FAM135A: variants seen among roughly 807,000 people sequenced by gnomAD.
FAM135A encodes family with sequence similarity 135 member A, also known as protein FAM135A.
A neutral mutation model predicts 146.8 loss-of-function variants in FAM135A; 79 were observed. That is an observed-to-expected ratio of 0.54 (90% CI 0.45 to 0.65). The LOEUF (loss-of-function observed/expected upper bound fraction) is 0.65, where lower values mean the gene tolerates loss of function less well. FAM135A is among the 30% of genes least tolerant of loss of function. The pLI, the probability that FAM135A is intolerant of heterozygous loss-of-function variation, is 0.00. For synonymous variants in FAM135A, 562 were observed against 603.6 expected (o/e 0.93, Z 1.01); for missense variants, 1,623 against 1,758.2 (o/e 0.92, Z 1.38).
chr6:70,490,992 A>G (rs1785788777), intron 10 of FAM135A, 42 bp from the exon 11 acceptor site: 1 of 1,414,072 alleles, frequency 7.1e-7, no homozygotes, highest in Non-Finnish European at 9.6e-7. Context: ...TAAATTAAAT[A>G]TCTAACATTG....
chr6:70,459,742 A>G (rs562304847), intron 5 of FAM135A, among the ~76,000 whole-genome samples: 1 of 152,304 alleles, frequency 6.6e-6, no homozygotes, highest in South Asian at 2.1e-4. Flanking sequence ...TAAAAGATCA[A>G]TTAGTCACCA....
At chr6:70,528,163 G>A in intron 15 of FAM135A, 129 bp from the exon 16 acceptor site, 1 of 711,460 alleles carries the variant, frequency 1.4e-6, no homozygotes, top group Non-Finnish European at 2.2e-6. Context: ...CTTAGGTGAT[G>A]CCACATATTT....
At chr6:70,434,108 GTATTA>G (rs1216142740) in intron 4 of FAM135A, among the ~76,000 whole-genome samples, 3 of 152,120 alleles carry the variant, frequency 2.0e-5, no homozygotes, top group Non-Finnish European at 2.9e-5. Flanking sequence ...CTTAAGATTT[GTATTA>G]TATTAGGAGT....
intron 1 of FAM135A, among the ~76,000 whole-genome samples, chr6:70,414,751 C>G (rs1384006401): frequency 6.6e-6 from 1 of 152,164 alleles, no homozygotes; most frequent in Non-Finnish European, 1.5e-5. Context: ...ATCGGTTACA[C>G]TTACTGATTA....
chr6:70,543,975 A>G (rs1219598307), intron 20 of FAM135A, among the ~76,000 whole-genome samples: 1 of 152,238 alleles, frequency 6.6e-6, no homozygotes, highest in Admixed American at 6.5e-5. Context: ...AACACTGACT[A>G]GGCTACCTAA....
At position 70,559,962 on chromosome 6, in the gene FAM135A, A is replaced by G; in HGVS notation, c.*41A>G. The stretch of plus-strand genomic sequence containing the variant: ...AGCGACTGGACAATTACCTCATTCA[A>G]CAATGTTTCAAATAATGTATTATAT... On this transcript the variant is annotated 3_prime_UTR_variant, in exon 22 of 22. Transcript: ENST00000418814. 6.9e-7 allele frequency: 1 copy of G among 1,452,084 alleles called. No individual in the cohort carries two copies. Among genetic ancestry groups the G allele is most frequent in the Non-Finnish European group, 9.5e-7 (1 of 1,048,704 alleles). The allele number at this position is 1,452,084 out of a possible 1,614,324, so 89.9% of individuals were successfully genotyped here. A position where few individuals can be genotyped will look rare whatever the true frequency, so the allele number is the denominator to read the frequency against.
chr6:70,529,584 T>A lies in FAM135A; in HGVS notation c.3775+1132T>A, dbSNP rs2639298. 6.9e-3 allele frequency among the ~76,000 whole-genome samples: 1,046 copies of A among 152,222 alleles called. 9 individuals carry two copies. Among genetic ancestry groups the A allele is most frequent in the African/African-American group, 0.024 (1,007 of 41,536 alleles). The stretch of plus-strand genomic sequence containing the variant: ...AGAATCTGCCAGAATCTCTGGCAAA[T>A]TCTTTTTTAAAAATTTTAAGAAGCA... On this transcript the variant is annotated intron_variant, in intron 16 of 21. Transcript: ENST00000418814.
intron 10 of FAM135A, among the ~76,000 whole-genome samples, chr6:70,484,693 A>G (rs1784305679): frequency 6.6e-6 from 1 of 152,336 alleles, no homozygotes; most frequent in Non-Finnish European, 1.5e-5. Flanking sequence ...ATGAGAATCT[A>G]ATGCCGCTGC....
At chr6:70,495,509 A>G (rs893821103) in intron 11 of FAM135A, among the ~76,000 whole-genome samples, 1 of 152,212 alleles carries the variant, frequency 6.6e-6, no homozygotes, top group African/African-American at 2.4e-5. Context: ...GAGTTGGGGA[A>G]GAAAAGCCTG....
chr6:70,518,474 T>A (rs1582706745), intron 12 of FAM135A, among the ~76,000 whole-genome samples: 1 of 152,310 alleles, frequency 6.6e-6, no homozygotes, highest in Non-Finnish European at 1.5e-5. Context: ...TGAAGGTGGC[T>A]GCACTAAACA....
intron 21 of FAM135A, 116 bp downstream of exon 21, chr6:70,556,979 T>A (rs1382917225): frequency 1.4e-6 from 1 of 729,232 alleles, no homozygotes; most frequent in African/African-American, 1.7e-5. Flanking sequence ...TTACTTCCTT[T>A]CCACCCACTT....
chr6:70,481,131 C>G, intron 9 of FAM135A, 104 bp downstream of exon 9: 1 of 1,095,658 alleles, frequency 9.1e-7, no homozygotes, highest in Non-Finnish European at 1.2e-6. Context: ...TATTTCAGCT[C>G]AGCAACTTAT....
intron 5 of FAM135A, among the ~76,000 whole-genome samples, chr6:70,469,392 G>T (rs894570167): frequency 1.3e-5 from 2 of 152,202 alleles, no homozygotes; most frequent in Non-Finnish European, 2.9e-5. Context: ...ATTGATGTCA[G>T]TTGAGGATAT....
intron 11 of FAM135A, 100 bp downstream of exon 11, chr6:70,491,183 C>A: frequency 1.0e-6 from 1 of 952,418 alleles, no homozygotes; most frequent in Non-Finnish European, 1.6e-6. Flanking sequence ...ATTTATAGTT[C>A]CTAAAATGCA....
At chr6:70,495,754 A>G (rs1206024224) in intron 11 of FAM135A, among the ~76,000 whole-genome samples, 2 of 152,058 alleles carry the variant, frequency 1.3e-5, no homozygotes, top group Non-Finnish European at 2.9e-5. Flanking sequence ...TGTCGTCTAC[A>G]TTAGGTATTT....
At chr6:70,531,120 G>T (rs1040833765) in intron 16 of FAM135A, among the ~76,000 whole-genome samples, 1 of 152,170 alleles carries the variant, frequency 6.6e-6, no homozygotes, top group Non-Finnish European at 1.5e-5. Context: ...GGACTCTCTG[G>T]TGAAGCTTTT....
chr6:70,539,440 A>G (rs1797430691), intron 20 of FAM135A, among the ~76,000 whole-genome samples: 1 of 152,228 alleles, frequency 6.6e-6, no homozygotes, highest in African/African-American at 2.4e-5. Flanking sequence ...TGTTTCAGAC[A>G]AACTTTATTA....
At chr6:70,433,123 G>A (rs1283479631) in intron 4 of FAM135A, among the ~76,000 whole-genome samples, 3 of 151,012 alleles carry the variant, frequency 2.0e-5, no homozygotes, top group East Asian at 1.9e-4. Flanking sequence ...CGCCCAGGCT[G>A]GAGTGCGGTG....
Position 70,545,992 on chromosome 6 carries a change from C to A in FAM135A, c.4228+7591C>A, listed in dbSNP as rs9446262. On this transcript the variant is annotated intron_variant, in intron 20 of 21. Transcript: ENST00000418814. ...AGTATTTCAATTGATTTTAAAATTA[C>A]GTTGTAGAGATTGAAACAAGTCTCT... Among the ~76,000 whole-genome samples, 518 of 151,940 alleles carry A rather than the reference C, an allele frequency of 3.4e-3. 6 individuals are homozygous for A. Among genetic ancestry groups the A allele is most frequent in the African/African-American group, 0.012 (506 of 41,418 alleles).
Sources: gnomAD v4.1 joint callset for allele counts (sites outside exome capture counted in the v4.1 genomes callset) on GRCh38, gnomAD v4.1.1 for gene constraint, MANE v1.5 for transcripts, NCBI Gene and HGNC (gene_info 2026-07-23, HGNC 2026-07-21) for gene names.